Variants in CACNB2 observed in about 807,000 individuals in gnomAD.
CACNB2 encodes the protein voltage-dependent L-type calcium channel subunit beta-2.
Under a neutral mutation model 73.3 loss-of-function variants are expected in CACNB2, and 42 were observed. That is an observed-to-expected ratio of 0.57 (90% CI 0.45 to 0.74). The LOEUF is 0.74. Among genes scored for constraint, CACNB2 ranks in the 30% least tolerant of loss-of-function variants. The pLI, the probability that CACNB2 is intolerant of heterozygous loss-of-function variation, is 0.00. For synonymous variants in CACNB2, 348 were observed against 310.3 expected (o/e 1.12, Z -1.28); for missense variants, 940 against 853.0 (o/e 1.10, Z -1.27).
chr10:18,224,896 T>C (rs2035931969), intron 2 of CACNB2, among the ~76,000 whole-genome samples: 1 of 152,236 alleles, frequency 6.6e-6, no homozygotes. Context: ...TGCTACATCC[T>C]GACAGGCACA....
chr10:18,411,207 CGTTT>C (rs1361028864), intron 3 of CACNB2, among the ~76,000 whole-genome samples: 2 of 152,064 alleles, frequency 1.3e-5, no homozygotes, highest in African/African-American at 2.4e-5. Flanking sequence ...TAGCCGCATG[CGTTT>C]GTTTATTGTT....
intron 2 of CACNB2, among the ~76,000 whole-genome samples, chr10:18,238,712 G>T (rs1187655114): frequency 6.6e-6 from 1 of 152,094 alleles, no homozygotes; most frequent in Non-Finnish European, 1.5e-5. Flanking sequence ...CTTCTTATTT[G>T]CCAGAGTAGC....
At chr10:18,174,386 TTC>T (rs55794517) in intron 2 of CACNB2, among the ~76,000 whole-genome samples, 2 of 140,106 alleles carry the variant, frequency 1.4e-5, no homozygotes, top group Non-Finnish European at 3.0e-5. Context: ...TCTTTTTCTT[TTC>T]TTTCTTTCTC....
At chr10:18,172,924 CTT>C (rs58345605) in intron 2 of CACNB2, among the ~76,000 whole-genome samples, 26 of 117,398 alleles carry the variant, frequency 2.2e-4, no homozygotes, top group Admixed American at 6.3e-4. Context: ...ATAATAAGGC[CTT>C]TTTTTTTTTT....
chr10:18,372,071 T>C (rs2042609737), intron 2 of CACNB2, among the ~76,000 whole-genome samples: 2 of 152,224 alleles, frequency 1.3e-5, no homozygotes, highest in African/African-American at 4.8e-5. Flanking sequence ...TCTTGTAAAT[T>C]TGTTTGAGTT....
chr10:18,492,158 T>C (rs1003147222), intron 3 of CACNB2, among the ~76,000 whole-genome samples: 1 of 152,090 alleles, frequency 6.6e-6, no homozygotes, highest in Admixed American at 6.6e-5. Context: ...CCAGATCTTA[T>C]GAGAAGTCTT....
chr10:18,330,993 C>CT (rs1210037587), intron 2 of CACNB2, among the ~76,000 whole-genome samples: 112 of 125,114 alleles, frequency 9.0e-4, no homozygotes, highest in South Asian at 2.3e-3. Flanking sequence ...CATGCCCGGC[C>CT]TTTTTTTTTT....
At chr10:18,154,923 G>T (rs1405953050) in intron 2 of CACNB2, among the ~76,000 whole-genome samples, 1 of 152,202 alleles carries the variant, frequency 6.6e-6, no homozygotes, top group Non-Finnish European at 1.5e-5. Flanking sequence ...TGGGCTTTTA[G>T]TTTCCAAAAC....
At chr10:18,453,895 A>T (rs1158176761) in intron 3 of CACNB2, among the ~76,000 whole-genome samples, 1 of 152,136 alleles carries the variant, frequency 6.6e-6, no homozygotes, top group African/African-American at 2.4e-5. Context: ...TGAGCCTCAC[A>T]AGGTGCTGGG....
At chr10:18,204,056 T>C (rs976398533) in intron 2 of CACNB2, among the ~76,000 whole-genome samples, 2 of 152,182 alleles carry the variant, frequency 1.3e-5, no homozygotes, top group African/African-American at 4.8e-5. Flanking sequence ...CTTATCCTTA[T>C]AGGAGAAAAA....
chr10:18,241,242 G>C (rs1275505747), intron 2 of CACNB2, among the ~76,000 whole-genome samples: 1 of 152,170 alleles, frequency 6.6e-6, no homozygotes, highest in African/African-American at 2.4e-5. Flanking sequence ...CTAAGGCTGT[G>C]TCATGGGCAC....
At chr10:18,333,964 A>G (rs547533116) in intron 2 of CACNB2, among the ~76,000 whole-genome samples, 15 of 152,346 alleles carry the variant, frequency 9.8e-5, no homozygotes, top group African/African-American at 3.6e-4. Flanking sequence ...AGTTTAAAAC[A>G]ACAAATGAGA....
At chr10:18,273,311 C>G (rs1486134406) in intron 2 of CACNB2, among the ~76,000 whole-genome samples, 2 of 151,752 alleles carry the variant, frequency 1.3e-5, no homozygotes, top group African/African-American at 4.8e-5. Context: ...TGCTTACAGA[C>G]AGTGGAGGAC....
rs2033249911 is a variant in CACNB2, at chr10:18,171,589, A to T, written c.213+20614A>T. Among the ~76,000 whole-genome samples the T allele has an allele frequency of 2.2e-5, 3 of 138,374 alleles. No homozygotes were observed. The Admixed American group carries it at 2.3e-4, about 11-fold the overall frequency. The allele number at this position is 138,374 out of a possible 152,430, so 90.8% of individuals were successfully genotyped here. A position where few individuals can be genotyped will look rare whatever the true frequency, so the allele number is the denominator to read the frequency against. Reference sequence around the variant, plus strand: ...CTTCATCCTTCTTAATTCCAGTTTAAAAAAAAAAAAAAAAGGAAGGACTCT... The same window carrying T: ...CTTCATCCTTCTTAATTCCAGTTTATAAAAAAAAAAAAAAGGAAGGACTCT... On this transcript the variant is annotated intron_variant, in intron 2 of 13. Coordinates refer to ENST00000324631, the MANE Select transcript of CACNB2 (RefSeq NM_201596.3).
chr10:18,315,932 G>A lies in CACNB2; in HGVS notation c.214-85992G>A, dbSNP rs944854907. ...TTCCATCATAGACGTAATGAACTTC[G>A]GAGTACAGACAGTAGCAAAATCATT... is the stretch of plus-strand genomic sequence containing the variant. On this transcript the variant is annotated intron_variant, in intron 2 of 13. Transcript: ENST00000324631. 3.3e-5 allele frequency among the ~76,000 whole-genome samples: 5 copies of A among 152,012 alleles called. No individual in the cohort carries two copies. In the East Asian group the frequency reaches 5.8e-4, roughly 18 times the overall value.
At chr10:18,341,607 C>A (rs1265253344) in intron 2 of CACNB2, among the ~76,000 whole-genome samples, 1 of 151,914 alleles carries the variant, frequency 6.6e-6, no homozygotes, top group Non-Finnish European at 1.5e-5. Flanking sequence ...CAAAAAAAAC[C>A]CTGAACCTAA....
At chr10:18,481,448 T>C (rs756660640) in intron 3 of CACNB2, among the ~76,000 whole-genome samples, 75 of 150,970 alleles carry the variant, frequency 5.0e-4, no homozygotes, top group Non-Finnish European at 9.4e-4. Flanking sequence ...AGTTTTACCA[T>C]GTTGGCCAGG....
intron 2 of CACNB2, among the ~76,000 whole-genome samples, chr10:18,345,889 A>T (rs780400488): frequency 2.6e-5 from 4 of 152,240 alleles, no homozygotes; most frequent in Non-Finnish European, 5.9e-5. Context: ...AATAACCATT[A>T]CGGAGAATAA....
chr10:18,380,201 T>C (rs932070244), intron 2 of CACNB2, among the ~76,000 whole-genome samples: 12 of 152,204 alleles, frequency 7.9e-5, no homozygotes, highest in African/African-American at 2.7e-4. Flanking sequence ...GAATGAACAG[T>C]GTTCCTCATT....
Sources: allele counts gnomAD v4.1 joint callset (sites outside exome capture counted in the v4.1 genomes callset), GRCh38; gene constraint gnomAD v4.1.1; transcripts MANE v1.5; gene names NCBI Gene and HGNC (gene_info 2026-07-23, HGNC 2026-07-21).